Variants in GDF3 observed in about 807,000 individuals in gnomAD.
GDF3 encodes growth/differentiation factor 3.
A neutral mutation model predicts 10.2 loss-of-function variants in GDF3; 10 were observed. The ratio of observed to expected loss-of-function variants is 0.98; its 90% CI spans 0.60 to 1.66. The LOEUF is 1.66. Among genes scored for constraint, GDF3 ranks in the 40% most tolerant of loss-of-function variants. The pLI, the probability that GDF3 is intolerant of heterozygous loss-of-function variation, is 0.00. For missense variants in GDF3, 450 were observed against 438.3 expected, an observed-to-expected ratio of 1.03 and a Z score of -0.24; for synonymous variants, 166 against 178.5, an observed-to-expected ratio of 0.93 and a Z score of 0.56.
At chr12:7,690,788 C>T (rs760238144) in intron 1 of GDF3, 84 bp from the exon 2 acceptor site, 3 of 790,128 alleles carry the variant, frequency 3.8e-6, no homozygotes, top group African/African-American at 1.7e-5. Context: ...CAGACACCCA[C>T]ATATACAATA....
At position 7,695,651 on chromosome 12, in the gene GDF3, T is replaced by C. The variant is rs1341411029; in HGVS notation, c.78A>G (p.Glu26=). 7 of 1,614,028 alleles carry C rather than the reference T, an allele frequency of 4.3e-6. No individual in the cohort carries two copies. Among genetic ancestry groups the C allele is most frequent in the Non-Finnish European group, 5.9e-6 (7 of 1,180,002 alleles). Residue 26 remains glutamate (E), a synonymous_variant, in exon 1 of 2, where the codon GAA becomes GAG. Transcript: ENST00000329913. The part of the protein sequence containing the change: ...LALGQAVQFQ[E]YVFLQFLGLD... ...AGCCCAGAAATTGGAGAAAGACATA[T>C]TCTTGAAATTGGACTGCCTGGCCCA...
chr12:7,695,352 G>T, intron 1 of GDF3, 109 bp downstream of exon 1: 4 of 1,052,124 alleles, frequency 3.8e-6, no homozygotes, highest in Non-Finnish European at 4.4e-6. Flanking sequence ...GACAAAATAT[G>T]AAAAATACCA....
Position 7,690,559 on chromosome 12 carries a change from G to A in GDF3, c.414C>T (p.Asn138=), listed in dbSNP as rs1249282318. 6.2e-7 allele frequency: 1 copy of A among 1,606,992 alleles called. No homozygotes were observed. The highest frequency in any genetic ancestry group is 8.5e-7 in the Non-Finnish European group (1 of 1,176,244). ...GAGCCAGTTCCAGCTCTGGTCCCAG[G>A]TTATAGTAAGAATTGGGCCCCAAGT... The part of the protein sequence containing the change: ...GLDLGPNSYY[N]LGPELELALF... Residue 138 remains asparagine (N), a synonymous_variant, in exon 2 of 2, where the codon AAC becomes AAT. Transcript: ENST00000329913.
In GDF3 at chr12:7,695,774, C is replaced by T. The variant is rs754059336; in HGVS notation, c.-46G>A. The stretch of plus-strand genomic sequence containing the variant: ...GACCGGGGAGAGCTCCACTGCCAGA[C>T]TGCCCAACAATTCAGAGGCTGCTAA... On this transcript the variant is annotated 5_prime_UTR_variant, in exon 1 of 2. Transcript: ENST00000329913. 3 of 1,606,528 alleles carry T rather than the reference C, an allele frequency of 1.9e-6. No homozygotes were observed. The highest frequency in any genetic ancestry group is 1.1e-5 in the South Asian group (1 of 90,510).
At chr12:7,690,755 A>G (rs780662984) in intron 1 of GDF3, 51 bp from the exon 2 acceptor site, 5 of 985,358 alleles carry the variant, frequency 5.1e-6, no homozygotes, top group Non-Finnish European at 8.2e-6. Context: ...TTTACTTCAT[A>G]TCCACCTATA....
chr12:7,692,660 C>T (rs1331414847), intron 1 of GDF3, among the ~76,000 whole-genome samples: 1 of 151,966 alleles, frequency 6.6e-6, no homozygotes, highest in Non-Finnish European at 1.5e-5. Flanking sequence ...CAGGTGCACA[C>T]CACGTCTGGC....
chr12:7,693,475 C>T (rs772734551), intron 1 of GDF3, among the ~76,000 whole-genome samples: 6 of 148,866 alleles, frequency 4.0e-5, no homozygotes, highest in East Asian at 4.1e-4. Context: ...CTCCTGGCCT[C>T]GTGATCTGCC....
Position 7,692,765 on chromosome 12 carries a change from A to G in GDF3, c.269-2061T>C, listed in dbSNP as rs7296389. Among the ~76,000 whole-genome samples, 1,457 of 151,976 alleles carry G rather than the reference A, an allele frequency of 9.6e-3. 26 individuals are homozygous for G. Among genetic ancestry groups the G allele is most frequent in the African/African-American group, 0.033 (1,380 of 41,434 alleles). ...GTGATCCGCCCACCTCGGCCTCCCAAAGTGTTGGGATTACAGGCAAAAGCC... is the reference window on the plus strand; with the variant it reads ...GTGATCCGCCCACCTCGGCCTCCCAGAGTGTTGGGATTACAGGCAAAAGCC... On this transcript the variant is annotated intron_variant, in intron 1 of 1. Transcript: ENST00000329913.
In GDF3 at chr12:7,690,585, C is replaced by A. The variant is rs867050182; in HGVS notation, c.388G>T (p.Asp130Tyr). 1.2e-6 allele frequency: 2 copies of A among 1,605,172 alleles called. No individual in the cohort carries two copies. The highest frequency in any genetic ancestry group is 2.7e-5 in the African/African-American group (2 of 74,552). ...EQLTLAQLGL[D>Y]LGPNSYYNLG... The stretch of plus-strand genomic sequence containing the variant: ...TTATAGTAAGAATTGGGCCCCAAGT[C>A]CAGGCCCAGCTGGGCCAATGTCAAC... The change falls in exon 2 of 2, where the codon GAC (aspartate) becomes TAC (tyrosine). Residue 130 changes from aspartate (D) to tyrosine (Y), a missense_variant. Coordinates refer to ENST00000329913, the MANE Select transcript of GDF3 (RefSeq NM_020634.3).
intron 1 of GDF3, among the ~76,000 whole-genome samples, chr12:7,692,788 G>T (rs959613840): frequency 6.6e-6 from 1 of 151,932 alleles, no homozygotes; most frequent in Non-Finnish European, 1.5e-5. Context: ...ACAGGCAAAA[G>T]CCACCACACC....
rs749302382 is a variant in GDF3, at chr12:7,695,737, G to T, written c.-9C>A. ...GGCAAGAAACGAAGCATGGCCTCTG[G>T]AGTGGCTGTCAGACCGGGGAGAGCT... On this transcript the variant is annotated 5_prime_UTR_variant, in exon 1 of 2. Transcript: ENST00000329913. 6.2e-7 allele frequency: 1 copy of T among 1,613,974 alleles called. No homozygotes were observed. The highest frequency in any genetic ancestry group is 1.1e-5 in the South Asian group (1 of 91,052).
chr12:7,692,238 A>C (rs936480510), intron 1 of GDF3, among the ~76,000 whole-genome samples: 3 of 151,524 alleles, frequency 2.0e-5, no homozygotes, highest in Non-Finnish European at 4.4e-5. Flanking sequence ...GACCAGACTG[A>C]CCAACATGGA....
intron 1 of GDF3, among the ~76,000 whole-genome samples, chr12:7,691,935 A>G (rs1358156009): frequency 1.3e-5 from 2 of 152,000 alleles, no homozygotes; most frequent in African/African-American, 4.8e-5. Flanking sequence ...TGAACCCGGG[A>G]GGCGGAGCTT....
chr12:7,695,373 A>G (rs1565450314), intron 1 of GDF3, 88 bp downstream of exon 1: 2 of 1,177,470 alleles, frequency 1.7e-6, no homozygotes, highest in Middle Eastern at 2.3e-4. Flanking sequence ...GCACAAGGCC[A>G]TCAGTAATTG....
intron 1 of GDF3, among the ~76,000 whole-genome samples, chr12:7,691,201 C>T (rs1027937933): frequency 1.3e-5 from 2 of 151,614 alleles, no homozygotes; most frequent in African/African-American, 2.4e-5. Context: ...TCCACAGGTT[C>T]CCAGAGATTC....
Position 7,689,994 on chromosome 12 carries a change from C to T in GDF3, c.979G>A (p.Ala327Thr), listed in dbSNP as rs894362392. 1 of 1,613,852 alleles carries T rather than the reference C, an allele frequency of 6.2e-7. No homozygotes were observed. The highest frequency in any genetic ancestry group is 1.1e-5 in the South Asian group (1 of 91,076). The stretch of plus-strand genomic sequence containing the variant: ...GACAGCTTGGTGGGGATACACACAG[C>T]CTGGGGGATCTCTGGGTCAACGGCA... The part of the protein sequence containing the change: ...MHAVDPEIPQ[A>T]VCIPTKLSPI... The change falls in exon 2 of 2, where the codon GCT becomes ACT. Residue 327 changes from alanine to threonine, a missense_variant. Ala to Thr is a moderately conservative substitution (Grantham distance 58). Transcript: ENST00000329913.
At chr12:7,693,362 AC>A (rs1266156335) in intron 1 of GDF3, among the ~76,000 whole-genome samples, 22 of 118,612 alleles carry the variant, frequency 1.9e-4, no homozygotes, top group Non-Finnish European at 1.2e-4. Context: ...CCGCCACCAC[AC>A]CTGGCTAATT....
chr12:7,691,801 A>C (rs1316700510), intron 1 of GDF3, among the ~76,000 whole-genome samples: 1 of 150,708 alleles, frequency 6.6e-6, no homozygotes, highest in Non-Finnish European at 1.5e-5. Flanking sequence ...AGATGAGGAG[A>C]TCGAGACCAT....
intron 1 of GDF3, among the ~76,000 whole-genome samples, chr12:7,691,964 G>A (rs949683505): frequency 2.0e-5 from 3 of 151,484 alleles, no homozygotes; most frequent in East Asian, 1.9e-4. Context: ...CCAAGATCAC[G>A]CCACTGCACT....
Sources: allele counts gnomAD v4.1 joint callset (sites outside exome capture counted in the v4.1 genomes callset), GRCh38; gene constraint gnomAD v4.1.1; transcripts MANE v1.5; gene names NCBI Gene and HGNC (gene_info 2026-07-23, HGNC 2026-07-21).